The following LINGO1 variants were observed in gnomAD, a reference collection of about 807,000 sequenced individuals.
LINGO1 encodes the protein leucine-rich repeat and immunoglobulin-like domain-containing nogo receptor-interacting protein 1.
A neutral mutation model predicts 37.3 loss-of-function variants in LINGO1; 11 were observed. That is an observed-to-expected ratio of 0.29 (90% CI 0.19 to 0.49). The LOEUF is 0.49. Among genes scored for constraint, LINGO1 ranks in the 20% least tolerant of loss-of-function variants. The pLI is 0.99. For synonymous variants in LINGO1, 387 were observed against 403.0 expected (o/e 0.96, Z 0.48); for missense variants, 585 against 878.2 (o/e 0.67, Z 4.22).
intron 1 of LINGO1, among the ~76,000 whole-genome samples, chr15:77,774,130 G>A (rs370560760): frequency 2.6e-5 from 4 of 152,136 alleles, no homozygotes; most frequent in East Asian, 1.9e-4. Context: ...ATAGGTGAGC[G>A]AGGCTGGAGA....
chr15:77,656,318 ACT>A lies in LINGO1; in HGVS notation c.-13+20769_-13+20770del, dbSNP rs533605352. Among the ~76,000 whole-genome samples the A allele has an allele frequency of 4.7e-5, 7 of 147,736 alleles. No individual in the cohort carries two copies. The South Asian group carries it at 1.1e-3, about 23-fold the overall frequency. ...CACTGCTCCCTCCTGGCTGCCTCTG[ACT>A]CTCTCTCTCTCCCTCCTTGTCTTTT... On this transcript the variant is annotated intron_variant, in intron 3 of 3. Coordinates refer to the LINGO1 transcript ENST00000559893.
At chr15:77,713,856 T>G (rs887431401) in intron 2 of LINGO1, among the ~76,000 whole-genome samples, 1 of 152,074 alleles carries the variant, frequency 6.6e-6, no homozygotes, top group African/African-American at 2.4e-5. Flanking sequence ...CCCCTAGGTG[T>G]GCCTTCTCAG....
chr15:77,615,811 G>T lies in LINGO1; in HGVS notation c.96C>A (p.Gly32=). 1 of 1,547,226 alleles carries T rather than the reference G, an allele frequency of 6.5e-7. No individual in the cohort carries two copies. The highest frequency in any genetic ancestry group is 1.9e-5 in the Admixed American group (1 of 52,308). ...CCGTGGCCGAGCCTGACAGCACTGA[G>T]CCCAGCACCAGCAGGAGGATGGGCT... ...CWQPILLLVL[G]SVLSGSATGC... The change falls in exon 2 of 2, where the codon GGC becomes GGA. Residue 32 remains glycine (G), a synonymous_variant. Transcript: ENST00000355300.
At chr15:77,757,950 T>C (rs1371439107) in intron 1 of LINGO1, among the ~76,000 whole-genome samples, 3 of 152,204 alleles carry the variant, frequency 2.0e-5, no homozygotes, top group Non-Finnish European at 2.9e-5. Flanking sequence ...CATAATAATA[T>C]ATGAAGAACA....
chr15:77,661,862 C>A (rs543519277), intron 3 of LINGO1, among the ~76,000 whole-genome samples: 1 of 152,312 alleles, frequency 6.6e-6, no homozygotes, highest in African/African-American at 2.4e-5. Context: ...GCTGTGCTGA[C>A]CCAGAGAGTC....
chr15:77,615,898 C>T lies in LINGO1; in HGVS notation c.9G>A (p.Val3=), dbSNP rs1487015748. MQ[V]SKRMLAGGVR... The stretch of plus-strand genomic sequence containing the variant: ...CGCCCCCCGCCAGCATCCTCTTGCT[C>T]ACCTGCAGCCGGGAGCAAGCACAGG... The change falls in exon 2 of 2, where the codon GTG becomes GTA. Residue 3 remains valine (V), a splice_region_variant and synonymous_variant. Transcript: ENST00000355300. 1 of 1,465,862 alleles carries T rather than the reference C, an allele frequency of 6.8e-7. No homozygotes were observed. Among genetic ancestry groups the T allele is most frequent in the East Asian group, 2.4e-5 (1 of 41,866 alleles). The allele number at this position is 1,465,862 out of a possible 1,614,324, so 90.8% of individuals were successfully genotyped here.
intron 1 of LINGO1, among the ~76,000 whole-genome samples, chr15:77,809,844 T>C (rs1406637575): frequency 6.6e-6 from 1 of 152,126 alleles, no homozygotes; most frequent in African/African-American, 2.4e-5. Flanking sequence ...ACAGCTCCCA[T>C]TGAGCCACTC....
chr15:77,788,809 C>A (rs1212061419), upstream of LINGO1: 2 of 152,384 alleles, frequency 1.3e-5, no homozygotes, highest in Middle Eastern at 3.4e-3. Context: ...CCTGAGGGCA[C>A]CCTGCTAAGA....
chr15:77,646,359 A>AT (rs2074628843), intron 3 of LINGO1: 1 of 425,544 alleles, frequency 2.3e-6, no homozygotes, highest in Admixed American at 2.6e-5. Flanking sequence ...TGGCACCCAC[A>AT]TTGGCACCCT....
At chr15:77,700,703 T>C (rs1596129177), upstream of LINGO1, among the ~76,000 whole-genome samples, 1 of 151,500 alleles carries the variant, frequency 6.6e-6, no homozygotes. Context: ...TGCAAGTAGC[T>C]GCTCCTGCTA....
At position 77,643,956 on chromosome 15, in the gene LINGO1, C is replaced by T. The variant is rs534966322; in HGVS notation, c.-12-28056G>A. ...TTGGCCAAGTCCCTCCCCGCTCCGCCCTCATTCCTGAATGTGGCACCTGCT... is the reference window on the plus strand; with the variant it reads ...TTGGCCAAGTCCCTCCCCGCTCCGCTCTCATTCCTGAATGTGGCACCTGCT... On this transcript the variant is annotated intron_variant, in intron 3 of 3. Transcript: ENST00000559893. Among the ~76,000 whole-genome samples the T allele has an allele frequency of 1.3e-4, 20 of 152,338 alleles. No individual in the cohort carries two copies. The South Asian group carries it at 3.9e-3, about 30-fold the overall frequency.
chr15:77,733,697 T>C (rs1448724909), intron 2 of LINGO1, among the ~76,000 whole-genome samples: 1 of 152,212 alleles, frequency 6.6e-6, no homozygotes, highest in Non-Finnish European at 1.5e-5. Flanking sequence ...TGGTTTCTTG[T>C]ACACTTAAAA....
At chr15:77,689,208 A>G (rs149227401) in intron 2 of LINGO1, among the ~76,000 whole-genome samples, 87 of 152,278 alleles carry the variant, frequency 5.7e-4, no homozygotes, top group African/African-American at 2.1e-3. Flanking sequence ...CTGGGTGTGG[A>G]AGAGGTTTCT....
In LINGO1 at chr15:77,652,483, A is replaced by AGTGTGTGTGTGTGTGTGTGT. The variant is rs773433884; in HGVS notation, c.-13+24586_-13+24605dup. On this transcript the variant is annotated intron_variant, in intron 3 of 3. Coordinates refer to the LINGO1 transcript ENST00000559893. Reference sequence around the variant, plus strand: ...CCTACAGCTGCAGCTGGGGAGGGAGAGTGTGTGTGTGTGTGTGTGTGTGTG... The same window carrying AGTGTGTGTGTGTGTGTGTGT: ...CCTACAGCTGCAGCTGGGGAGGGAGAGTGTGTGTGTGTGTGTGTGTGTGTGTGTGTGTGTGTGTGTGTGTG... Among the ~76,000 whole-genome samples, 355 of 128,952 alleles carry AGTGTGTGTGTGTGTGTGTGT rather than the reference A, an allele frequency of 2.8e-3. 4 individuals carry two copies. The highest frequency in any genetic ancestry group is 0.011 in the East Asian group (48 of 4,190). The allele number at this position is 128,952 out of a possible 152,430, so 84.6% of individuals were successfully genotyped here. A position where few individuals can be genotyped will look rare whatever the true frequency, so the allele number is the denominator to read the frequency against.
chr15:77,817,153 G>A (rs35265558), intron 1 of LINGO1, among the ~76,000 whole-genome samples: 14,793 of 152,218 alleles, frequency 0.097, 774 homozygotes, highest in Middle Eastern at 0.14. Flanking sequence ...GGTAACTCCC[G>A]GGCAACAGCT....
intron 1 of LINGO1, among the ~76,000 whole-genome samples, chr15:77,620,724 C>T (rs1376600457): frequency 6.6e-6 from 1 of 152,216 alleles, no homozygotes; most frequent in Non-Finnish European, 1.5e-5. Flanking sequence ...TGCAGTTTCA[C>T]TGGGGCTGGA....
chr15:77,614,671 A>G lies in LINGO1; in HGVS notation c.1236T>C (p.Asp412=), dbSNP rs886701546. ...AGGTGAAGTAGTTGGGCAGTAGCAC[A>G]TCAGGGAAGTCCTTGAACTCCTTGC... The part of the protein sequence containing the change: ...VQGKEFKDFP[D]VLLPNYFTCR... The change falls in exon 2 of 2, where the codon GAT becomes GAC. Residue 412 remains aspartate, a synonymous_variant. Transcript: ENST00000355300. 3.7e-6 allele frequency: 6 copies of G among 1,612,124 alleles called. No homozygotes were observed. In the African/African-American group the frequency reaches 4.0e-5, roughly 11 times the overall value.
At position 77,706,015 on chromosome 15, in the gene LINGO1, C is replaced by T. The variant is rs544664386; in HGVS notation, c.-194-15114G>A. 6.0e-4 allele frequency among the ~76,000 whole-genome samples: 91 copies of T among 152,280 alleles called. 3 individuals carry two copies. The South Asian group carries it at 0.017, about 29-fold the overall frequency. ...GCCAGCTGTGTGGCCCGGGGTGGGCCGCACTTTACCTTTCTAAGCTTTGGA... is the reference window on the plus strand; with the variant it reads ...GCCAGCTGTGTGGCCCGGGGTGGGCTGCACTTTACCTTTCTAAGCTTTGGA... On this transcript the variant is annotated intron_variant, in intron 2 of 3. Coordinates refer to the LINGO1 transcript ENST00000561686.
chr15:77,647,652 T>C (rs1171399503), intron 3 of LINGO1, among the ~76,000 whole-genome samples: 1 of 152,164 alleles, frequency 6.6e-6, no homozygotes, highest in Non-Finnish European at 1.5e-5. Context: ...GCTGGGTCAA[T>C]GGCAGCCTTG....
Sources: allele counts gnomAD v4.1 joint callset (sites outside exome capture counted in the v4.1 genomes callset), GRCh38; gene constraint gnomAD v4.1.1; transcripts MANE v1.5; gene names NCBI Gene and HGNC (gene_info 2026-07-23, HGNC 2026-07-21).